The following ACSL1 variants were observed in gnomAD, a reference collection of about 807,000 sequenced individuals.
ACSL1 encodes the protein acyl-CoA synthetase long chain family member 1, also known as long-chain-fatty-acid--CoA ligase 1.
In ACSL1, 41 loss-of-function variants were observed where a neutral mutation model predicts 98.4. That is an observed-to-expected ratio of 0.42 (90% CI 0.32 to 0.54). The LOEUF (loss-of-function observed/expected upper bound fraction) is 0.54, where lower values mean the gene tolerates loss of function less well. Ranked by LOEUF, ACSL1 falls within the 20% of genes least tolerant of loss-of-function variation. The pLI, the probability that ACSL1 is intolerant of heterozygous loss-of-function variation, is 0.13. For synonymous variants in ACSL1, 316 were observed against 322.7 expected (o/e 0.98, Z 0.22); for missense variants, 734 against 883.1 (o/e 0.83, Z 2.14).
At chr4:184,812,244 T>C in intron 1 of ACSL1, 2 of 985,272 alleles carry the variant, frequency 2.0e-6, no homozygotes, top group Non-Finnish European at 2.4e-6. Context: ...ATGCCCTTGG[T>C]TCTTAACACA....
rs1353028959 is a variant in ACSL1 at position 184,803,967 on chromosome 4, G to A, written c.-32-421C>T. Among the ~76,000 whole-genome samples the A allele has an allele frequency of 6.6e-6, 1 of 152,180 alleles. No homozygotes were observed. The highest frequency in any genetic ancestry group is 1.9e-4 in the East Asian group (1 of 5,196). On this transcript the variant is annotated intron_variant, in intron 1 of 20. Coordinates refer to ENST00000281455, the MANE Select transcript of ACSL1 (RefSeq NM_001995.5). The surrounding 1 kb of genome is among the most constrained non-coding windows in gnomAD (Gnocchi z 4.8). ...GGCTAATGGGAATATGAGTGAAGGG[G>A]AAGTACAAGCCCAAACCACCTAAGG... is the stretch of plus-strand genomic sequence containing the variant.
chr4:184,818,031 C>G (rs1022671808), intron 1 of ACSL1, among the ~76,000 whole-genome samples: 1 of 152,192 alleles, frequency 6.6e-6, no homozygotes, highest in Non-Finnish European at 1.5e-5. Context: ...AGAGTCTAAC[C>G]TGGGAGTCTG....
At chr4:184,774,931 A>G (rs527646329) in intron 7 of ACSL1, among the ~76,000 whole-genome samples, 4 of 152,342 alleles carry the variant, frequency 2.6e-5, no homozygotes, top group Admixed American at 2.6e-4. Context: ...AATAACCTTT[A>G]TTAGCTCCAG....
intron 17 of ACSL1, among the ~76,000 whole-genome samples, chr4:184,761,955 C>T (rs554692022): frequency 2.6e-5 from 4 of 151,986 alleles, no homozygotes; most frequent in African/African-American, 4.8e-5. Context: ...GGTGAAACCC[C>T]GTCTCTACTA....
At position 184,783,949 on chromosome 4, in the gene ACSL1, T is replaced by A. The variant is rs770013678; in HGVS notation, c.353A>T (p.Tyr118Phe). ...CACCTGTTTATATGAAAGCCATTCA[T>A]AGGGTTGGTCTGGTTTCCGAGAGCC... is the stretch of plus-strand genomic sequence containing the variant. ...CLGSRKPDQP[Y>F]EWLSYKQVAE... is the part of the protein sequence containing the mutation. The change falls in exon 4 of 21, where the codon TAT becomes TTT. Residue 118 changes from tyrosine (Y) to phenylalanine (F), a missense_variant. Coordinates refer to ENST00000281455, the MANE Select transcript of ACSL1 (RefSeq NM_001995.5). The A allele has an allele frequency of 7.4e-6, 12 of 1,613,806 alleles. No individual in the cohort carries two copies.
At chr4:184,762,129 C>T (rs1762944955) in intron 17 of ACSL1, among the ~76,000 whole-genome samples, 1 of 146,010 alleles carries the variant, frequency 6.8e-6, no homozygotes, top group South Asian at 2.1e-4. Flanking sequence ...ATGATTCCGT[C>T]TCAAAAAAAA....
chr4:184,774,025 G>A lies in ACSL1; in HGVS notation c.757-150C>T, dbSNP rs140854319. Reference sequence around the variant, plus strand: ...ATAATTTTCTAATTAAAGAAACTATGGCAGTTTTAATTAACCAGAACCAAA... The same window carrying A: ...ATAATTTTCTAATTAAAGAAACTATAGCAGTTTTAATTAACCAGAACCAAA... On this transcript the variant is annotated intron_variant, in intron 7 of 20. Transcript: ENST00000281455. The A allele has an allele frequency of 2.6e-5, 23 of 870,894 alleles. No homozygotes were observed. In the East Asian group the frequency reaches 6.1e-4, roughly 23 times the overall value. The allele number at this position is 870,894 out of a possible 1,614,324, so 53.9% of individuals were successfully genotyped here. A position where few individuals can be genotyped will look rare whatever the true frequency, so the allele number is the denominator to read the frequency against.
At position 184,766,746 on chromosome 4, in the gene ACSL1, T is replaced by C. The variant is rs371815814; in HGVS notation, c.1139A>G (p.Gln380Arg). ...LNRMFDRIFG[Q>R]ANTTLKRWLL... ...CCATCGCTTCAGCGTGGTGTTTGCT[T>C]GTCCGAAAATCTAATGAGGCAAGAC... The change falls in exon 13 of 21, where the codon CAA becomes CGA. Residue 380 changes from glutamine to arginine, a missense_variant. Gln to Arg is a conservative substitution (Grantham distance 43, BLOSUM62 1). Transcript: ENST00000281455. This position sits in a 1 kb window ranked among gnomAD's most constrained non-coding sequence, Gnocchi z 4.8. 1.8e-5 allele frequency: 29 copies of C among 1,611,414 alleles called. No individual in the cohort carries two copies. The highest frequency in any genetic ancestry group is 2.4e-5 in the Non-Finnish European group (28 of 1,177,820).
intron 2 of ACSL1, among the ~76,000 whole-genome samples, chr4:184,796,866 G>T (rs943582533): frequency 6.6e-6 from 1 of 152,222 alleles, no homozygotes. Flanking sequence ...GAAACAACCA[G>T]ATGCTACTAC....
intron 18 of ACSL1, among the ~76,000 whole-genome samples, chr4:184,759,724 A>G (rs1235851391): frequency 6.6e-6 from 1 of 152,206 alleles, no homozygotes; most frequent in Non-Finnish European, 1.5e-5. Flanking sequence ...GAACGCTTTT[A>G]CACTGTTGGT....
intron 18 of ACSL1, among the ~76,000 whole-genome samples, chr4:184,759,987 T>G (rs1291382147): frequency 6.6e-6 from 1 of 152,222 alleles, no homozygotes; most frequent in Non-Finnish European, 1.5e-5. Context: ...TTAGGAAGCA[T>G]ATCATCAATA....
intron 10 of ACSL1, 125 bp from the exon 11 acceptor site, chr4:184,770,601 A>G (rs886711977): frequency 2.1e-5 from 15 of 697,852 alleles, no homozygotes; most frequent in Non-Finnish European, 3.4e-5. Flanking sequence ...GATATACCTA[A>G]TGCTAAATGA....
In ACSL1 at chr4:184,765,607, T is replaced by A. The variant is rs1175305575; in HGVS notation, c.1359+284A>T. On this transcript the variant is annotated intron_variant, in intron 14 of 20. Transcript: ENST00000281455. ...GGTGACTAGAGCTAACAACAATGTA[T>A]CATATACTTGAAAACTGCCCAGAGG... is the stretch of plus-strand genomic sequence containing the variant. Among the ~76,000 whole-genome samples, 4 of 151,968 alleles carry A rather than the reference T, an allele frequency of 2.6e-5. No homozygotes were observed. In the South Asian group the frequency reaches 8.3e-4, roughly 32 times the overall value.
rs886887965 is a variant in ACSL1, at chr4:184,766,243, C to G, written c.1264-257G>C. On this transcript the variant is annotated intron_variant, in intron 13 of 20. Transcript: ENST00000281455. This position sits in a 1 kb window ranked among gnomAD's most constrained non-coding sequence, Gnocchi z 4.8. ...CAGAAGCTATTTCAGGGAATTAGAA[C>G]ACAACTGGGCAGATCTGTGGCAACT... Among the ~76,000 whole-genome samples, 1 of 152,324 alleles carries G rather than the reference C, an allele frequency of 6.6e-6. No homozygotes were observed. The highest frequency in any genetic ancestry group is 2.4e-5 in the African/African-American group (1 of 41,586).
chr4:184,814,190 C>G (rs554363087), intron 1 of ACSL1, among the ~76,000 whole-genome samples: 100 of 148,158 alleles, frequency 6.7e-4, no homozygotes, highest in Middle Eastern at 7.0e-3. Flanking sequence ...ACTCGGGAGG[C>G]TGAGGCAGGA....
intron 1 of ACSL1, among the ~76,000 whole-genome samples, chr4:184,818,441 G>A (rs955436429): frequency 1.3e-5 from 2 of 152,198 alleles, no homozygotes; most frequent in Non-Finnish European, 2.9e-5. Context: ...TGAAAGCACA[G>A]GCTTAGGTCC....
At chr4:184,819,140 CTTTT>C (rs10538881) in intron 1 of ACSL1, among the ~76,000 whole-genome samples, 2 of 129,774 alleles carry the variant, frequency 1.5e-5, no homozygotes, top group Non-Finnish European at 3.3e-5. Context: ...TTTAGATGTA[CTTTT>C]TTTTTTTTTT....
intron 1 of ACSL1, chr4:184,808,603 A>T (rs1771721876): frequency 1.6e-6 from 1 of 643,600 alleles, no homozygotes; most frequent in Non-Finnish European, 1.9e-6. Context: ...CCCCTTTGTC[A>T]TTCACTAGCT....
rs551622188 is a variant in ACSL1, at chr4:184,818,309, C to T, written c.-33+7607G>A. On this transcript the variant is annotated intron_variant, in intron 1 of 20. Transcript: ENST00000281455. ...GAGTTATGTAACATTAGCTGGAGCT[C>T]AACACTAATCTCCTCCCCTCTCACA... Among the ~76,000 whole-genome samples the T allele has an allele frequency of 1.1e-4, 16 of 152,264 alleles. No homozygotes were observed. The South Asian group carries it at 3.1e-3, about 30-fold the overall frequency.
Sources: gnomAD v4.1 joint callset for allele counts (sites outside exome capture counted in the v4.1 genomes callset) on GRCh38, gnomAD v4.1.1 for gene constraint, Gnocchi (gnomAD v3.1) non-coding constraint, MANE v1.5 for transcripts, NCBI Gene and HGNC (gene_info 2026-07-23, HGNC 2026-07-21) for gene names.